The following CD44 variants were observed in gnomAD, a reference collection of about 807,000 sequenced individuals.
CD44 encodes CD44 antigen.
Under a neutral mutation model 88.8 loss-of-function variants are expected in CD44, and 49 were observed. That is an observed-to-expected ratio of 0.55 (90% CI 0.44 to 0.70). The LOEUF (loss-of-function observed/expected upper bound fraction) is 0.70, where lower values mean the gene tolerates loss of function less well. Among genes scored for constraint, CD44 ranks in the 30% least tolerant of loss-of-function variants. The probability of loss-of-function intolerance (pLI) is 0.00; values close to 1 mark genes in which losing one functional copy is unlikely to be tolerated. For synonymous variants in CD44, 325 were observed against 312.3 expected (o/e 1.04, Z -0.43); for missense variants, 883 against 913.8 (o/e 0.97, Z 0.43).
At chr11:35,159,754 C>A (rs958837143) in intron 1 of CD44, among the ~76,000 whole-genome samples, 10 of 152,176 alleles carry the variant, frequency 6.6e-5, no homozygotes, top group Non-Finnish European at 1.2e-4. Context: ...ATAAAGCGGA[C>A]GTAACCTGCC....
intron 1 of CD44, among the ~76,000 whole-genome samples, chr11:35,168,275 A>G (rs1350566864): frequency 3.3e-5 from 5 of 152,206 alleles, no homozygotes; most frequent in Non-Finnish European, 7.3e-5. Context: ...CCTGTGCATA[A>G]GTTGGAATTT....
At chr11:35,220,505 C>T (rs1306647372) in intron 16 of CD44, among the ~76,000 whole-genome samples, 1 of 152,074 alleles carries the variant, frequency 6.6e-6, no homozygotes, top group Non-Finnish European at 1.5e-5. Flanking sequence ...TGAGACTTTC[C>T]ATGCCTCTTC....
At chr11:35,196,668 G>C in intron 5 of CD44, 78 bp from the exon 6 acceptor site, 2 of 1,451,426 alleles carry the variant, frequency 1.4e-6, no homozygotes, top group Non-Finnish European at 1.9e-6. Flanking sequence ...TAGTAAAAGA[G>C]TACAAGCATA....
chr11:35,189,911 C>T lies in CD44; in HGVS notation c.513C>T (p.Ser171=). The T allele has an allele frequency of 1.2e-6, 2 of 1,614,168 alleles. No homozygotes were observed. The highest frequency in any genetic ancestry group is 1.7e-6 in the Non-Finnish European group (2 of 1,180,022). Residue 171 remains serine, a synonymous_variant, in exon 5 of 18, where the codon AGC becomes AGT. Coordinates refer to ENST00000428726, the MANE Select transcript of CD44 (RefSeq NM_000610.4). The part of the protein sequence containing the change: ...YRTNPEDIYP[S]NPTDDDVSSG... ...CGAATCCTGAAGACATCTACCCCAG[C>T]AACCCTACTGATGATGACGTGAGCA...
At position 35,154,198 on chromosome 11, in the gene CD44, C is replaced by T. The variant is rs530977148; in HGVS notation, c.67+14828C>T. Among the ~76,000 whole-genome samples the T allele has an allele frequency of 1.3e-4, 20 of 152,296 alleles. No individual in the cohort carries two copies. The East Asian group carries it at 1.9e-3, about 15-fold the overall frequency. On this transcript the variant is annotated intron_variant, in intron 1 of 17. Coordinates refer to ENST00000428726, the MANE Select transcript of CD44 (RefSeq NM_000610.4). ...GTTTAGAGACAAATCTTATCCATTT[C>T]GTTGAAAGTTCCTTGATCTTGTGGC... is the stretch of plus-strand genomic sequence containing the variant.
chr11:35,151,346 A>G (rs1860285912), intron 1 of CD44, among the ~76,000 whole-genome samples: 1 of 152,160 alleles, frequency 6.6e-6, no homozygotes, highest in Non-Finnish European at 1.5e-5. Flanking sequence ...GAAACTCAGA[A>G]GTTCTCATGA....
At position 35,189,848 on chromosome 11, in the gene CD44, T is replaced by C. The variant is rs1946094673; in HGVS notation, c.450T>C (p.Arg150=). ...TCTCTCTCCCAGCTATTGTTAACCG[T>C]GATGGCACCCGCTATGTCCAGAAAG... is the stretch of plus-strand genomic sequence containing the variant. ...DGPITITIVN[R]DGTRYVQKGE... is the part of the protein sequence containing the mutation. Residue 150 remains arginine, a synonymous_variant, in exon 5 of 18, where the codon CGT becomes CGC. Transcript: ENST00000428726. 1.2e-6 allele frequency: 2 copies of C among 1,613,346 alleles called. No homozygotes were observed. The highest frequency in any genetic ancestry group is 2.2e-5 in the South Asian group (2 of 90,978).
At chr11:35,180,252 T>G in intron 2 of CD44, 22 bp from the exon 3 acceptor site, 3 of 1,613,488 alleles carry the variant, frequency 1.9e-6, no homozygotes, top group Non-Finnish European at 2.5e-6. Flanking sequence ...TAGGTCAATA[T>G]CCTGTTGTTT....
At chr11:35,182,017 G>GTATATATAAATATATACACATT (rs1945186099) in intron 3 of CD44, among the ~76,000 whole-genome samples, 1 of 110,366 alleles carries the variant, frequency 9.1e-6, no homozygotes, top group Non-Finnish European at 1.7e-5. Context: ...ATGTATATAT[G>GTATATATAAATATATACACATT]TATATATAAA....
chr11:35,187,869 C>T (rs979178147), intron 4 of CD44, among the ~76,000 whole-genome samples: 11 of 152,220 alleles, frequency 7.2e-5, no homozygotes, highest in South Asian at 2.1e-4. Flanking sequence ...TGTATATATT[C>T]GGGCACTTTT....
At chr11:35,198,550 A>G (rs1437458058) in intron 7 of CD44, 4 of 292,234 alleles carry the variant, frequency 1.4e-5, no homozygotes, top group Non-Finnish European at 2.6e-5. Flanking sequence ...AAAACAGTAC[A>G]AAAAATGTAC....
At chr11:35,151,001 A>G (rs910767929) in intron 1 of CD44, among the ~76,000 whole-genome samples, 1 of 152,250 alleles carries the variant, frequency 6.6e-6, no homozygotes, top group African/African-American at 2.4e-5. Flanking sequence ...AGGTGAAAGA[A>G]TTATGCAAGA....
chr11:35,196,913 G>A lies in CD44; in HGVS notation c.796+39G>A, dbSNP rs753634571. On this transcript the variant is annotated intron_variant, in intron 6 of 17. Coordinates refer to ENST00000428726, the MANE Select transcript of CD44 (RefSeq NM_000610.4). ...ATTATCTCATAGCGTATGTTTTCTT[G>A]ACAGCCTTGAATAATTTTGATTGAC... 5.6e-6 allele frequency: 9 copies of A among 1,597,864 alleles called. No individual in the cohort carries two copies. The African/African-American group carries it at 8.0e-5, about 14-fold the overall frequency.
In CD44 at chr11:35,208,217, C is replaced by T; in HGVS notation, c.1516+11C>T. 2.0e-6 allele frequency: 3 copies of T among 1,523,076 alleles called. No individual in the cohort carries two copies. The highest frequency in any genetic ancestry group is 2.7e-6 in the Non-Finnish European group (3 of 1,097,184). 94.3% of individuals were successfully genotyped at this position (1,523,076 alleles called of 1,614,324 possible). ...TTTCAATGACAACGCGTAAGAATAA[C>T]GATGCTCAGCCACTTTATTGACTTG... On this transcript the variant is annotated intron_variant, in intron 12 of 17. Transcript: ENST00000428726.
chr11:35,219,273 C>T (rs1294396478), intron 15 of CD44, 43 bp from the exon 16 acceptor site: 3 of 1,467,842 alleles, frequency 2.0e-6, no homozygotes. Context: ...CTCATGGTTA[C>T]ACATTTCAAA....
At chr11:35,181,902 A>ATATATTATATTTATATAT (rs1945101330) in intron 3 of CD44, among the ~76,000 whole-genome samples, 1 of 59,710 alleles carries the variant, frequency 1.7e-5, no homozygotes, top group Non-Finnish European at 2.9e-5. Flanking sequence ...ATAATATAAT[A>ATATATTATATTTATATAT]TATAATATAT....
At chr11:35,198,900 AC>A (rs1451785758) in intron 7 of CD44, among the ~76,000 whole-genome samples, 2 of 150,088 alleles carry the variant, frequency 1.3e-5, no homozygotes, top group African/African-American at 4.9e-5. Flanking sequence ...AATGGTGTGA[AC>A]CCAGGAGGAG....
intron 17 of CD44, chr11:35,222,781 C>G (rs1028837677): frequency 2.0e-6 from 2 of 984,294 alleles, no homozygotes; most frequent in Non-Finnish European, 2.4e-6. Flanking sequence ...GAATATTAAG[C>G]CTTTTGTAAA....
chr11:35,156,515 T>C (rs935402993), intron 1 of CD44, among the ~76,000 whole-genome samples: 12 of 152,298 alleles, frequency 7.9e-5, no homozygotes, highest in Middle Eastern at 3.4e-3. Context: ...AAATGGTGTA[T>C]GTTTCTTTTG....
Sources: allele counts gnomAD v4.1 joint callset (sites outside exome capture counted in the v4.1 genomes callset), GRCh38; gene constraint gnomAD v4.1.1; transcripts MANE v1.5; gene names NCBI Gene and HGNC (gene_info 2026-07-23, HGNC 2026-07-21).